The following DIP2A variants were observed in gnomAD, a reference collection of about 807,000 sequenced individuals.
DIP2A encodes DIP2 acetate--CoA ligase A.
DIP2A carries 85 observed loss-of-function variants against 177.4 expected under a neutral mutation model. The ratio of observed to expected loss-of-function variants is 0.48; its 90% CI spans 0.40 to 0.57. The LOEUF is 0.57. Ranked by LOEUF, DIP2A falls within the 20% of genes least tolerant of loss-of-function variation. DIP2A has a pLI of 0.00. For synonymous variants in DIP2A, 886 were observed against 881.8 expected (o/e 1.00, Z -0.08); for missense variants, 1,791 against 2,100.2 (o/e 0.85, Z 2.88).
intron 19 of DIP2A, 147 bp from the exon 20 acceptor site, chr21:46,545,734 A>T: frequency 1.1e-6 from 1 of 896,008 alleles, no homozygotes; most frequent in Non-Finnish European, 1.7e-6. Context: ...CAGGCCACAG[A>T]AACTGGGCCT....
chr21:46,466,044 C>G (rs191283823), intron 1 of DIP2A, among the ~76,000 whole-genome samples: 1 of 152,234 alleles, frequency 6.6e-6, no homozygotes, highest in East Asian at 1.9e-4. Flanking sequence ...AAGCAAAAAT[C>G]AAAATTTTGA....
intron 3 of DIP2A, among the ~76,000 whole-genome samples, chr21:46,491,575 ATAT>A (rs1357812424): frequency 1.3e-5 from 2 of 152,206 alleles, no homozygotes; most frequent in Admixed American, 1.3e-4. Flanking sequence ...TATATAAAAA[ATAT>A]TATACCAAAT....
chr21:46,539,699 C>A, intron 16 of DIP2A, 178 bp from the exon 17 acceptor site: 1 of 642,862 alleles, frequency 1.6e-6, no homozygotes, highest in Non-Finnish European at 2.8e-6. Context: ...TTTAAAGATA[C>A]CATCTTCCTT....
chr21:46,566,155 A>G (rs2839333), intron 36 of DIP2A, among the ~76,000 whole-genome samples: 19,844 of 152,068 alleles, frequency 0.13, 1,832 homozygotes, highest in African/African-American at 0.26. Context: ...CCGAGGCCAG[A>G]CCGGTCTCTC....
intron 18 of DIP2A, among the ~76,000 whole-genome samples, chr21:46,543,423 A>G (rs2059900536): frequency 6.6e-6 from 1 of 152,148 alleles, no homozygotes; most frequent in South Asian, 2.1e-4. Context: ...GCGTGCACGC[A>G]GCACACCTCC....
intron 5 of DIP2A, among the ~76,000 whole-genome samples, chr21:46,503,525 C>T (rs961360743): frequency 4.0e-5 from 6 of 151,576 alleles, no homozygotes; most frequent in Admixed American, 3.3e-4. Flanking sequence ...AAAAATGTAC[C>T]AGTGACAATT....
the DIP2A span, among the ~76,000 whole-genome samples, chr21:46,575,199 C>T: frequency 6.6e-6 from 1 of 152,018 alleles, no homozygotes; most frequent in Non-Finnish European, 1.5e-5. Flanking sequence ...TCGATTGATG[C>T]AGCAAAGGCA....
chr21:46,529,228 G>T, intron 9 of DIP2A, 45 bp downstream of exon 9: 1 of 1,152,492 alleles, frequency 8.7e-7, no homozygotes, highest in South Asian at 1.5e-5. Context: ...CAAAAGCAGG[G>T]ACTTAAATAA....
At chr21:46,554,786 G>GGGGGGGGGGGGGCCCCCCC in intron 27 of DIP2A, 36 bp from the exon 28 acceptor site, 11 of 1,518,962 alleles carry the variant, frequency 7.2e-6, no homozygotes, top group African/African-American at 1.4e-5. Context: ...AGCTTGAGAG[G>GGGGGGGGGGGGGCCCCCCC]CCCCGCCCAC....
rs374179884 is a variant in DIP2A, at chr21:46,504,392, G to A, written c.687G>A (p.Thr229=). The change falls in exon 6 of 38, where the codon ACG becomes ACA. Residue 229 remains threonine (T), a synonymous_variant. Coordinates refer to ENST00000417564, the MANE Select transcript of DIP2A (RefSeq NM_015151.4). The stretch of plus-strand genomic sequence containing the variant: ...ATTCTGCCCCTCCTGATGTCACCAC[G>A]GGCCTCGTGGAGCATTCGTACTTTG... ...DLHSAPPDVT[T]GLVEHSYFER... 9.9e-6 allele frequency: 16 copies of A among 1,613,826 alleles called. No individual in the cohort carries two copies. The highest frequency in any genetic ancestry group is 8.0e-5 in the African/African-American group (6 of 75,042).
intron 1 of DIP2A, among the ~76,000 whole-genome samples, chr21:46,476,359 C>A (rs1235258818): frequency 6.6e-6 from 1 of 151,946 alleles, no homozygotes; most frequent in Admixed American, 6.6e-5. Flanking sequence ...TTTTTTTCTC[C>A]CAAGTGTATT....
intron 32 of DIP2A, among the ~76,000 whole-genome samples, chr21:46,560,196 C>T (rs2060617554): frequency 6.6e-6 from 1 of 152,112 alleles, no homozygotes; most frequent in Non-Finnish European, 1.5e-5. Context: ...AATTGATGTT[C>T]CTTATTGAAT....
intron 1 of DIP2A, chr21:46,462,495 T>A (rs1020507411): frequency 2.0e-5 from 3 of 152,222 alleles, no homozygotes; most frequent in Admixed American, 1.3e-4. Flanking sequence ...TTCAGTCACA[T>A]AGTGTGTGTG....
At chr21:46,578,409 G>A in the DIP2A span, among the ~76,000 whole-genome samples, 1 of 152,178 alleles carries the variant, frequency 6.6e-6, no homozygotes, top group Non-Finnish European at 1.5e-5. Context: ...GTGAACAGAG[G>A]CAGTTTGACT....
At chr21:46,546,682 C>T (rs1601788029) in intron 20 of DIP2A, among the ~76,000 whole-genome samples, 3 of 152,288 alleles carry the variant, frequency 2.0e-5, no homozygotes, top group African/African-American at 7.2e-5. Context: ...TGTTGCCTCC[C>T]TTCCTGATGC....
At chr21:46,467,876 G>A (rs1232941708) in intron 1 of DIP2A, among the ~76,000 whole-genome samples, 1 of 152,072 alleles carries the variant, frequency 6.6e-6, no homozygotes, top group African/African-American at 2.4e-5. Flanking sequence ...ACTTTGGGAG[G>A]TCGAAGAGGA....
At chr21:46,476,400 A>C (rs1833727470) in intron 1 of DIP2A, among the ~76,000 whole-genome samples, 1 of 151,840 alleles carries the variant, frequency 6.6e-6, no homozygotes, top group African/African-American at 2.4e-5. Flanking sequence ...AGCAATCTAC[A>C]GAGTTGGCAT....
chr21:46,494,666 G>A (rs2057205798), intron 3 of DIP2A, among the ~76,000 whole-genome samples: 1 of 152,186 alleles, frequency 6.6e-6, no homozygotes, highest in South Asian at 2.1e-4. Context: ...AATAGGTTGA[G>A]TCACTGGCCT....
intron 8 of DIP2A, among the ~76,000 whole-genome samples, chr21:46,522,646 A>G (rs555805328): frequency 6.6e-6 from 1 of 152,308 alleles, no homozygotes; most frequent in African/African-American, 2.4e-5. Context: ...AGCTACCCCC[A>G]AAGTATATTT....
Sources: allele counts gnomAD v4.1 joint callset (sites outside exome capture counted in the v4.1 genomes callset), GRCh38; gene constraint gnomAD v4.1.1; transcripts MANE v1.5; gene names NCBI Gene and HGNC (gene_info 2026-07-23, HGNC 2026-07-21).